The following RASAL2 variants were observed in gnomAD, a reference collection of about 807,000 sequenced individuals.
The protein encoded by RASAL2 is RAS protein activator like 2.
RASAL2 carries 58 observed loss-of-function variants against 128.9 expected under a neutral mutation model. The ratio of observed to expected loss-of-function variants is 0.45; its 90% CI spans 0.36 to 0.56. The LOEUF (loss-of-function observed/expected upper bound fraction) is 0.56, where lower values mean the gene tolerates loss of function less well. Among genes scored for constraint, RASAL2 ranks in the 20% least tolerant of loss-of-function variants. The pLI is 0.00. For missense variants in RASAL2, 1,360 were observed against 1,601.6 expected (o/e 0.85, Z 2.57); for synonymous variants, 561 against 580.8 (o/e 0.97, Z 0.49).
chr1:178,221,028 G>T (rs992593333), intron 1 of RASAL2, among the ~76,000 whole-genome samples: 1 of 152,158 alleles, frequency 6.6e-6, no homozygotes, highest in Non-Finnish European at 1.5e-5. Flanking sequence ...TACCATTTTT[G>T]TGTTCCCACC....
At chr1:178,192,596 T>C (rs1355738806) in intron 1 of RASAL2, among the ~76,000 whole-genome samples, 1 of 152,162 alleles carries the variant, frequency 6.6e-6, no homozygotes, top group Non-Finnish European at 1.5e-5. Context: ...CACACACACA[T>C]ACATGTGATG....
In RASAL2 at chr1:178,477,485, A is replaced by T. The variant is rs1404146865; in HGVS notation, c.*4246A>T. On this transcript the variant is annotated 3_prime_UTR_variant, in exon 18 of 18. Coordinates refer to ENST00000367649, the MANE Select transcript of RASAL2 (RefSeq NM_170692.4). ...GATGAAATTTGCATGAGATAGAATA[A>T]ATATCTTAGGAGGAGTGAAAGAACC... 6.6e-6 allele frequency: 1 copy of T among 152,340 alleles called. No homozygotes were observed. 9.4% of individuals were successfully genotyped at this position (152,340 alleles called of 1,614,324 possible). A position where few individuals can be genotyped will look rare whatever the true frequency, so the allele number is the denominator to read the frequency against.
chr1:178,465,547 G>GT (rs201534921), intron 15 of RASAL2, among the ~76,000 whole-genome samples: 10 of 151,122 alleles, frequency 6.6e-5, no homozygotes, highest in South Asian at 2.1e-4. Context: ...ACTTCATCTG[G>GT]TTTTTTTTTC....
At chr1:178,357,640 CAT>C (rs1209508270) in intron 3 of RASAL2, among the ~76,000 whole-genome samples, 1 of 151,994 alleles carries the variant, frequency 6.6e-6, no homozygotes, top group Non-Finnish European at 1.5e-5. Context: ...AAACAAAAAA[CAT>C]GTGTTGACAT....
intron 4 of RASAL2, among the ~76,000 whole-genome samples, chr1:178,409,060 A>G (rs1674183859): frequency 6.6e-6 from 1 of 152,160 alleles, no homozygotes; most frequent in Non-Finnish European, 1.5e-5. Flanking sequence ...GAAGGAGAAG[A>G]AGGACCTTCT....
chr1:178,463,308 A>T (rs1319907786), intron 14 of RASAL2, among the ~76,000 whole-genome samples: 1 of 152,172 alleles, frequency 6.6e-6, no homozygotes, highest in Non-Finnish European at 1.5e-5. Context: ...TGTTTCCATC[A>T]TTGTTTGTGG....
intron 1 of RASAL2, among the ~76,000 whole-genome samples, chr1:178,277,958 G>T (rs948317317): frequency 2.0e-5 from 3 of 152,162 alleles, no homozygotes; most frequent in African/African-American, 7.2e-5. Context: ...TGTAGTGTCT[G>T]TTATTGTGAG....
rs1251030131 is a variant in RASAL2 at position 178,214,748 on chromosome 1, C to T, written c.203-68816C>T. 4.6e-5 allele frequency among the ~76,000 whole-genome samples: 7 copies of T among 151,902 alleles called. 1 individual carries two copies. Among genetic ancestry groups the T allele is most frequent in the East Asian group, 3.9e-4 (2 of 5,152 alleles). On this transcript the variant is annotated intron_variant, in intron 1 of 17. Transcript: ENST00000367649. Reference sequence around the variant, plus strand: ...TAATTTTTTGTATTTTTAGTAGAGACGGGGTTTCACTGTGTTAGCCACGAT... The same window carrying T: ...TAATTTTTTGTATTTTTAGTAGAGATGGGGTTTCACTGTGTTAGCCACGAT...
chr1:178,369,004 T>A (rs1036482554), intron 3 of RASAL2, among the ~76,000 whole-genome samples: 2 of 152,134 alleles, frequency 1.3e-5, no homozygotes, highest in East Asian at 3.9e-4. Context: ...CAGCCCACTA[T>A]AGAGTTTTAC....
chr1:178,445,095 G>C (rs1187169157), intron 8 of RASAL2, among the ~76,000 whole-genome samples: 1 of 151,090 alleles, frequency 6.6e-6, no homozygotes, highest in East Asian at 1.9e-4. Context: ...CTGACAGTGG[G>C]AGTGGAAGCA....
chr1:178,356,189 A>AAG (rs1670800568), intron 3 of RASAL2, among the ~76,000 whole-genome samples: 1 of 150,548 alleles, frequency 6.6e-6, no homozygotes, highest in African/African-American at 2.4e-5. Flanking sequence ...AAAAAAAAAA[A>AAG]CCCACAAGAT....
At position 178,414,958 on chromosome 1, in the gene RASAL2, C is replaced by T. The variant is rs1204847621; in HGVS notation, c.565-5553C>T. 2.6e-5 allele frequency among the ~76,000 whole-genome samples: 4 copies of T among 152,150 alleles called. No homozygotes were observed. In the East Asian group the frequency reaches 7.7e-4, roughly 29 times the overall value. ...TATTTCTAATATAAGTCATTTGGGTCATCTCTATTTTTTTCTTAGTCTGGC... is the reference window on the plus strand; with the variant it reads ...TATTTCTAATATAAGTCATTTGGGTTATCTCTATTTTTTTCTTAGTCTGGC... On this transcript the variant is annotated intron_variant, in intron 4 of 17. Transcript: ENST00000367649.
At chr1:178,275,163 G>C (rs1365720626) in intron 1 of RASAL2, among the ~76,000 whole-genome samples, 1 of 152,102 alleles carries the variant, frequency 6.6e-6, no homozygotes, top group Non-Finnish European at 1.5e-5. Context: ...AGCAGACTTG[G>C]CTTAATGTGG....
intron 14 of RASAL2, among the ~76,000 whole-genome samples, chr1:178,459,694 A>C (rs1678039115): frequency 6.6e-6 from 1 of 152,230 alleles, no homozygotes; most frequent in Admixed American, 6.5e-5. Flanking sequence ...CAGAAATAGA[A>C]GAAGGGATGA....
intron 1 of RASAL2, among the ~76,000 whole-genome samples, chr1:178,116,250 G>T (rs1290418950): frequency 2.0e-4 from 30 of 151,930 alleles, no homozygotes; most frequent in Admixed American, 1.9e-3. Flanking sequence ...ATTCTTATTG[G>T]TATATATGTT....
intron 3 of RASAL2, among the ~76,000 whole-genome samples, chr1:178,353,939 C>G (rs1670655891): frequency 6.6e-6 from 1 of 151,700 alleles, no homozygotes; most frequent in Non-Finnish European, 1.5e-5. Flanking sequence ...CCACTGCACT[C>G]CAGCTTGGGT....
intron 13 of RASAL2, among the ~76,000 whole-genome samples, chr1:178,457,320 A>C (rs997662814): frequency 8.5e-5 from 13 of 152,224 alleles, no homozygotes; most frequent in African/African-American, 3.1e-4. Flanking sequence ...TGCCTTTTGC[A>C]GGGACCTTTC....
intron 1 of RASAL2, among the ~76,000 whole-genome samples, chr1:178,257,577 C>A (rs1665431071): frequency 1.3e-5 from 2 of 152,132 alleles, no homozygotes; most frequent in African/African-American, 4.8e-5. Context: ...GTGGCTCACG[C>A]CTGTAATCCC....
intron 1 of RASAL2, among the ~76,000 whole-genome samples, chr1:178,235,747 C>T (rs2102034765): frequency 6.6e-6 from 1 of 152,226 alleles, no homozygotes; most frequent in East Asian, 1.9e-4. Context: ...TTGGCAGTAA[C>T]TTCTTTCTGG....
Sources: gnomAD v4.1 joint callset for allele counts (sites outside exome capture counted in the v4.1 genomes callset) on GRCh38, gnomAD v4.1.1 for gene constraint, MANE v1.5 for transcripts, NCBI Gene and HGNC (gene_info 2026-07-23, HGNC 2026-07-21) for gene names.